Variants in SRGAP1 observed in about 807,000 individuals in gnomAD.
SRGAP1 encodes SLIT-ROBO Rho GTPase-activating protein 1.
A neutral mutation model predicts 121.9 loss-of-function variants in SRGAP1; 43 were observed. The observed-to-expected ratio is 0.35, with a 90% CI of 0.28 to 0.46. SRGAP1 has a LOEUF of 0.46. Among genes scored for constraint, SRGAP1 ranks in the 20% least tolerant of loss-of-function variants. SRGAP1 has a pLI of 1.00. For synonymous variants in SRGAP1, 447 were observed against 485.4 expected (o/e 0.92, Z 1.04); for missense variants, 1,102 against 1,350.9 (o/e 0.82, Z 2.89).
rs1167157430 is a variant in SRGAP1 at position 64,156,859 on chromosome 12, A to T, written c.*14187A>T. 6.6e-6 allele frequency: 1 copy of T among 152,222 alleles called. No homozygotes were observed. The highest frequency in any genetic ancestry group is 1.5e-5 in the Non-Finnish European group (1 of 68,052). The allele number at this position is 152,222 out of a possible 1,614,324, so 9.4% of individuals were successfully genotyped here. ...ACCAACTGCCAGGGGTCAATGGCGA[A>T]AGAACACATTTCTCTAGGAAAGATT... On this transcript the variant is annotated 3_prime_UTR_variant, in exon 22 of 22. Coordinates refer to ENST00000355086, the MANE Select transcript of SRGAP1 (RefSeq NM_020762.4).
chr12:63,883,482 A>G (rs1424284385), intron 1 of SRGAP1, among the ~76,000 whole-genome samples: 1 of 152,182 alleles, frequency 6.6e-6, no homozygotes, highest in African/African-American at 2.4e-5. Flanking sequence ...GCCTTCCTAA[A>G]TTAAAAAAGA....
At position 64,155,821 on chromosome 12, in the gene SRGAP1, G is replaced by A. The variant is rs1015123498; in HGVS notation, c.*13149G>A. ...CTAATTTTTTTGTATTTTTAGTACA[G>A]CCGGGGTTTCGCCATGTTGGCCAGG... On this transcript the variant is annotated 3_prime_UTR_variant, in exon 22 of 22. Transcript: ENST00000355086. The A allele has an allele frequency of 5.3e-5, 8 of 152,062 alleles. No homozygotes were observed. The highest frequency in any genetic ancestry group is 1.7e-4 in the African/African-American group (7 of 41,412). The allele number at this position is 152,062 out of a possible 1,614,324, so 9.4% of individuals were successfully genotyped here.
intron 1 of SRGAP1, among the ~76,000 whole-genome samples, chr12:63,939,698 G>A (rs892167737): frequency 7.2e-5 from 11 of 152,166 alleles, no homozygotes; most frequent in African/African-American, 2.4e-4. Flanking sequence ...TGTTTCTCAG[G>A]AGAAGAAGAA....
chr12:63,932,059 A>G (rs1013280046), intron 1 of SRGAP1, among the ~76,000 whole-genome samples: 2 of 152,172 alleles, frequency 1.3e-5, no homozygotes, highest in Admixed American at 6.5e-5. Context: ...AGGGACTAGC[A>G]AATGTTAAGA....
chr12:64,112,264 C>A (rs1187388468), intron 17 of SRGAP1, among the ~76,000 whole-genome samples: 1 of 152,118 alleles, frequency 6.6e-6, no homozygotes, highest in Non-Finnish European at 1.5e-5. Flanking sequence ...GCTATGTTAA[C>A]TTTTATCATT....
chr12:63,948,752 T>C (rs1250927741), intron 1 of SRGAP1, among the ~76,000 whole-genome samples: 2 of 149,204 alleles, frequency 1.3e-5, no homozygotes, highest in Non-Finnish European at 3.0e-5. Flanking sequence ...ATATTCCATA[T>C]ATATATTTTC....
At position 64,154,654 on chromosome 12, in the gene SRGAP1, C is replaced by G. The variant is rs189049280; in HGVS notation, c.*11982C>G. On this transcript the variant is annotated 3_prime_UTR_variant, in exon 22 of 22. Transcript: ENST00000355086. ...GCCAGGATGTACAACCAAGTATTCA[C>G]GTTTGAATTTATTTAATTTAAGATA... 2 of 151,922 alleles carry G rather than the reference C, an allele frequency of 1.3e-5. No individual in the cohort carries two copies. Among genetic ancestry groups the G allele is most frequent in the African/African-American group, 4.8e-5 (2 of 41,348 alleles). The allele number at this position is 151,922 out of a possible 1,614,324, so 9.4% of individuals were successfully genotyped here.
chr12:64,051,337 C>T (rs2035235769), intron 6 of SRGAP1, among the ~76,000 whole-genome samples: 1 of 152,066 alleles, frequency 6.6e-6, no homozygotes, highest in Non-Finnish European at 1.5e-5. Context: ...TTAAGTCTTC[C>T]CTCCTTACAA....
intron 2 of SRGAP1, among the ~76,000 whole-genome samples, chr12:63,986,801 T>C (rs1312586413): frequency 6.6e-6 from 1 of 152,206 alleles, no homozygotes; most frequent in Non-Finnish European, 1.5e-5. Context: ...TATGGATGGG[T>C]CCATGTACCT....
chr12:63,920,831 T>C (rs181658287), intron 1 of SRGAP1, among the ~76,000 whole-genome samples: 6 of 152,280 alleles, frequency 3.9e-5, no homozygotes, highest in Non-Finnish European at 2.9e-5. Context: ...ACAGAGAATG[T>C]AGATCCATTG....
At chr12:63,980,772 T>G (rs1465193589) in intron 1 of SRGAP1, among the ~76,000 whole-genome samples, 4 of 151,970 alleles carry the variant, frequency 2.6e-5, no homozygotes, top group Non-Finnish European at 5.9e-5. Context: ...TTTTGTATTT[T>G]TAGTAGAGAC....
chr12:64,127,982 A>G lies in SRGAP1; in HGVS notation c.2662A>G (p.Ser888Gly), dbSNP rs375183261. ...SNSSVDLGSP[S>G]LASHPRGLLQ... ...CTCCTCAGTTGACCTAGGGTCCCCA[A>G]GCCTTGCCAGTCACCCCCGGGGCCT... The change falls in exon 21 of 22, where the codon AGC becomes GGC. Residue 888 changes from serine (S) to glycine (G), a missense_variant. Coordinates refer to ENST00000355086, the MANE Select transcript of SRGAP1 (RefSeq NM_020762.4). 1.1e-5 allele frequency: 18 copies of G among 1,614,042 alleles called. No individual in the cohort carries two copies. The highest frequency in any genetic ancestry group is 1.4e-5 in the Non-Finnish European group (17 of 1,180,030).
In SRGAP1 at chr12:64,079,102, CAG is replaced by C. The variant is rs767735923; in HGVS notation, c.1310_1311del (p.Gln437LeufsTer14). 1 of 1,613,468 alleles carries C rather than the reference CAG, an allele frequency of 6.2e-7. No homozygotes were observed. Among genetic ancestry groups the C allele is most frequent in the South Asian group, 1.1e-5 (1 of 91,048 alleles). On this transcript the variant is annotated frameshift_variant, in exon 9 of 22. Transcript: ENST00000355086. LOFTEE classifies it high-confidence loss of function. ...KRRANQQETEQFYFMKLREYL... is the reference protein window; with the variant it reads ...KRRANQQETEXFYFMKLREYL... ...AAGAGCCAACCAGCAGGAAACTGAA[CAG>C]TTCTACTTCATGGTGTGCCCGCCAC...
At chr12:64,098,679 T>C (rs28634655) in intron 15 of SRGAP1, among the ~76,000 whole-genome samples, 1 of 144,094 alleles carries the variant, frequency 6.9e-6, no homozygotes, top group Admixed American at 6.7e-5. Flanking sequence ...CAAAAAAAAA[T>C]AAAAAAATAA....
intron 15 of SRGAP1, among the ~76,000 whole-genome samples, chr12:64,099,253 G>A (rs1593125792): frequency 6.6e-6 from 1 of 152,130 alleles, no homozygotes; most frequent in African/African-American, 2.4e-5. Context: ...TCATAGGGTT[G>A]TGAGAATTTA....
chr12:63,994,635 A>G (rs1470620318), intron 3 of SRGAP1, among the ~76,000 whole-genome samples: 1 of 152,186 alleles, frequency 6.6e-6, no homozygotes, highest in Non-Finnish European at 1.5e-5. Flanking sequence ...CTTCTACTAG[A>G]TGTAGACAAT....
chr12:63,970,381 T>C (rs975576661), intron 1 of SRGAP1, among the ~76,000 whole-genome samples: 8 of 152,142 alleles, frequency 5.3e-5, no homozygotes, highest in African/African-American at 1.9e-4. Context: ...AGGGTGGGTG[T>C]GGCAGAGGCA....
chr12:64,032,706 C>G (rs950940651), intron 4 of SRGAP1: 4 of 295,764 alleles, frequency 1.4e-5, no homozygotes, highest in African/African-American at 8.7e-5. Flanking sequence ...AAAAATTCTG[C>G]CTCATGTTTC....
chr12:64,135,049 G>A (rs557696240), intron 21 of SRGAP1, among the ~76,000 whole-genome samples: 1 of 152,178 alleles, frequency 6.6e-6, no homozygotes, highest in Middle Eastern at 3.2e-3. Context: ...GCAGCACAGG[G>A]TTTATCTCCT....
Sources: allele counts gnomAD v4.1 joint callset (sites outside exome capture counted in the v4.1 genomes callset), GRCh38; gene constraint gnomAD v4.1.1; transcripts MANE v1.5; gene names NCBI Gene and HGNC (gene_info 2026-07-23, HGNC 2026-07-21).